DENND11: variants seen among roughly 807,000 people sequenced by gnomAD.
DENND11 encodes the protein DENN domain containing 11, also known as DENN domain-containing protein 11.
Under a neutral mutation model 49.2 loss-of-function variants are expected in DENND11, and 34 were observed. The observed-to-expected ratio is 0.69, with a 90% CI of 0.53 to 0.92. DENND11 has a LOEUF of 0.92. DENND11 is among the 40% of genes least tolerant of loss of function. The probability of loss-of-function intolerance (pLI) is 0.00; values close to 1 mark genes in which losing one functional copy is unlikely to be tolerated. For missense variants in DENND11, 475 were observed against 581.6 expected (o/e 0.82, Z 1.88); for synonymous variants, 238 against 230.3 (o/e 1.03, Z -0.30).
intron 2 of DENND11, among the ~76,000 whole-genome samples, chr7:141,686,155 A>T (rs1405433004): frequency 6.6e-6 from 1 of 152,200 alleles, no homozygotes; most frequent in Non-Finnish European, 1.5e-5. Flanking sequence ...TCCTTCTCGC[A>T]AAACTCTCTG....
At chr7:141,686,440 A>G (rs1798243844) in intron 2 of DENND11, 119 bp downstream of exon 2, 1 of 656,332 alleles carries the variant, frequency 1.5e-6, no homozygotes, top group Non-Finnish European at 2.7e-6. Flanking sequence ...CTATCCATGT[A>G]TTTTCAAGGC....
intron 3 of DENND11, among the ~76,000 whole-genome samples, chr7:141,675,888 G>A (rs1253797471): frequency 1.3e-5 from 2 of 152,106 alleles, no homozygotes; most frequent in Non-Finnish European, 1.5e-5. Flanking sequence ...TTGACAAGGA[G>A]GTAGTCCTAC....
intron 4 of DENND11, 63 bp from the exon 5 acceptor site, chr7:141,666,488 A>C (rs1463423205): frequency 1.4e-6 from 2 of 1,437,514 alleles, no homozygotes; most frequent in Non-Finnish European, 1.9e-6. Flanking sequence ...GAAATATAGC[A>C]AAAGGTATCT....
chr7:141,688,333 G>A (rs1311403603), intron 1 of DENND11, among the ~76,000 whole-genome samples: 3 of 152,176 alleles, frequency 2.0e-5, no homozygotes, highest in Admixed American at 1.3e-4. Context: ...GCCAAACAAC[G>A]CTTTCAGATA....
chr7:141,664,145 C>T (rs1260097195), intron 8 of DENND11, 27 bp downstream of exon 8: 9 of 1,547,066 alleles, frequency 5.8e-6, no homozygotes, highest in Non-Finnish European at 7.0e-6. Context: ...CTCAGGGAGA[C>T]TCCACATCCA....
rs1460197434 is a variant in DENND11, at chr7:141,659,195, GCA to G, written c.*3459_*3460del. On this transcript the variant is annotated 3_prime_UTR_variant, in exon 9 of 9. Coordinates refer to ENST00000536163, the MANE Select transcript of DENND11 (RefSeq NM_001080392.2). Reference sequence around the variant, plus strand: ...CTTCCCTCCCCCTAACCAGGTGGAAGCACAGATGCTATAATGGATGATGGATA... The same window carrying G: ...CTTCCCTCCCCCTAACCAGGTGGAAGCAGATGCTATAATGGATGATGGATA... 6.6e-6 allele frequency: 1 copy of G among 152,218 alleles called. No homozygotes were observed. The highest frequency in any genetic ancestry group is 1.5e-5 in the Non-Finnish European group (1 of 68,034). The allele number at this position is 152,218 out of a possible 1,614,324, so 9.4% of individuals were successfully genotyped here.
chr7:141,702,076 C>T lies in DENND11; in HGVS notation c.78G>A (p.Gln26=). 1 of 985,926 alleles carries T rather than the reference C, an allele frequency of 1.0e-6. No individual in the cohort carries two copies. Among genetic ancestry groups the T allele is most frequent in the East Asian group, 1.1e-4 (1 of 8,876 alleles). The allele number at this position is 985,926 out of a possible 1,614,324, so 61.1% of individuals were successfully genotyped here. A position where few individuals can be genotyped will look rare whatever the true frequency, so the allele number is the denominator to read the frequency against. Residue 26 remains glutamine (Q), a synonymous_variant, in exon 1 of 9, where the codon CAG becomes CAA. Coordinates refer to ENST00000536163, the MANE Select transcript of DENND11 (RefSeq NM_001080392.2). ...CCCGGCCCCAGCCTCCCGCCTGCGG[C>T]TGCGGGGCCTGCGGCAGGGAGACGG... ...GPAVSLPQAP[Q]PQAGGWGRGG...
In DENND11 at chr7:141,662,836, T is replaced by C; in HGVS notation, c.1188A>G (p.Gln396=). ...ACAAAGTCTGAAATATCCGGTTGTT[T>C]TGTTCTAGGAAAAACCTGCATTTGG... ...EDLFVLFFLE[Q]NNRIFQTLLE... The change falls in exon 9 of 9, where the codon CAA becomes CAG. Residue 396 remains glutamine (Q), a synonymous_variant. Coordinates refer to ENST00000536163, the MANE Select transcript of DENND11 (RefSeq NM_001080392.2). The C allele has an allele frequency of 6.4e-7, 1 of 1,559,884 alleles. No homozygotes were observed. Among genetic ancestry groups the C allele is most frequent in the Non-Finnish European group, 8.7e-7 (1 of 1,152,732 alleles).
chr7:141,669,083 C>T (rs1164835834), intron 4 of DENND11, among the ~76,000 whole-genome samples: 1 of 152,096 alleles, frequency 6.6e-6, no homozygotes, highest in Admixed American at 6.5e-5. Flanking sequence ...TCCCCTGTAT[C>T]CCTCTCCCAC....
At chr7:141,694,158 T>C (rs555481588) in intron 1 of DENND11, among the ~76,000 whole-genome samples, 7 of 152,302 alleles carry the variant, frequency 4.6e-5, no homozygotes, top group Non-Finnish European at 7.4e-5. Context: ...ACATTAATTA[T>C]TTAAAAAAAC....
chr7:141,664,713 A>G (rs1343755897), intron 7 of DENND11, among the ~76,000 whole-genome samples, 191 bp downstream of exon 7: 1 of 152,032 alleles, frequency 6.6e-6, no homozygotes, highest in Non-Finnish European at 1.5e-5. Flanking sequence ...CCCTCCTATC[A>G]GGGCAGCATA....
At position 141,691,905 on chromosome 7, in the gene DENND11, A is replaced by AT. The variant is rs1278911758; in HGVS notation, c.269-5248dup. Among the ~76,000 whole-genome samples the AT allele has an allele frequency of 4.6e-5, 7 of 152,090 alleles. No individual in the cohort carries two copies. In the East Asian group the frequency reaches 5.8e-4, roughly 13 times the overall value. ...ATGCCTTGCACAGGACAGAATGGGT[A>AT]TTTAAAAAAAAACAGATTTATTAAG... On this transcript the variant is annotated intron_variant, in intron 1 of 8. Transcript: ENST00000536163.
chr7:141,700,050 G>A (rs2117086941), intron 1 of DENND11, among the ~76,000 whole-genome samples: 1 of 152,198 alleles, frequency 6.6e-6, no homozygotes, highest in East Asian at 1.9e-4. Flanking sequence ...ATATCAATTG[G>A]CCAATATCAA....
At chr7:141,674,976 G>A (rs1798043012) in intron 3 of DENND11, among the ~76,000 whole-genome samples, 2 of 152,138 alleles carry the variant, frequency 1.3e-5, no homozygotes, top group South Asian at 4.1e-4. Flanking sequence ...TATATTTAAT[G>A]GGGATGTTAT....
intron 3 of DENND11, among the ~76,000 whole-genome samples, chr7:141,683,481 A>T (rs1798178926): frequency 6.6e-6 from 1 of 152,156 alleles, no homozygotes; most frequent in African/African-American, 2.4e-5. Flanking sequence ...TCTACTAAAA[A>T]AAAATAAATA....
intron 4 of DENND11, among the ~76,000 whole-genome samples, chr7:141,671,209 C>T (rs984520689): frequency 7.9e-5 from 12 of 152,204 alleles, no homozygotes; most frequent in African/African-American, 2.9e-4. Flanking sequence ...AGAAGTCTCA[C>T]TCTGTTGCCC....
chr7:141,696,208 G>A (rs867724525), intron 1 of DENND11, among the ~76,000 whole-genome samples: 2 of 152,120 alleles, frequency 1.3e-5, no homozygotes, highest in African/African-American at 4.8e-5. Context: ...GGTTTTATAA[G>A]CCCATGGGCT....
chr7:141,695,974 C>G (rs1798405565), intron 1 of DENND11, among the ~76,000 whole-genome samples: 1 of 152,248 alleles, frequency 6.6e-6, no homozygotes. Flanking sequence ...CACAACTTGG[C>G]AGCACGGTGC....
At chr7:141,669,809 ATTT>A (rs72053527) in intron 4 of DENND11, among the ~76,000 whole-genome samples, 8 of 116,256 alleles carry the variant, frequency 6.9e-5, no homozygotes, top group Non-Finnish European at 1.0e-4. Flanking sequence ...CATACATGCT[ATTT>A]TTTTTTTTTT....
Sources: allele counts gnomAD v4.1 joint callset (sites outside exome capture counted in the v4.1 genomes callset), GRCh38; gene constraint gnomAD v4.1.1; transcripts MANE v1.5; gene names NCBI Gene and HGNC (gene_info 2026-07-23, HGNC 2026-07-21).